SOSTDC1: variants seen among roughly 807,000 people sequenced by gnomAD.
The protein encoded by SOSTDC1 is sclerostin domain-containing protein 1.
SOSTDC1 carries 7 observed loss-of-function variants against 15.1 expected under a neutral mutation model. The ratio of observed to expected loss-of-function variants is 0.46; its 90% CI spans 0.26 to 0.87. SOSTDC1 has a LOEUF of 0.87. Ranked by LOEUF, SOSTDC1 falls within the 40% of genes least tolerant of loss-of-function variation. The probability of loss-of-function intolerance (pLI) is 0.15; values close to 1 mark genes in which losing one functional copy is unlikely to be tolerated. For missense variants in SOSTDC1, 242 were observed against 259.2 expected (o/e 0.93, Z 0.46); for synonymous variants, 94 against 93.2 (o/e 1.01, Z -0.05).
intron 1 of SOSTDC1, chr7:16,464,338 T>C: frequency 1.3e-6 from 2 of 1,550,524 alleles, no homozygotes; most frequent in East Asian, 2.4e-5. Context: ...GCCTCAGGAA[T>C]GCACCTGGAA....
Position 16,462,582 on chromosome 7 carries a change from CT to C in SOSTDC1, c.586del (p.Arg196GlufsTer10). ...KPVQHHRERK[R>X]ASKSSKHSMS ...GCTGTGCTTGCTGGATTTGCTGGCT[CT>C]TTTCCGCTCTCTGTGATGCTGGACT... On this transcript the variant is annotated frameshift_variant, in exon 2 of 2. Coordinates refer to ENST00000307068, the MANE Select transcript of SOSTDC1 (RefSeq NM_015464.3). LOFTEE classifies it high-confidence loss of function. 2.5e-6 allele frequency: 4 copies of C among 1,614,196 alleles called. No homozygotes were observed. The highest frequency in any genetic ancestry group is 3.4e-6 in the Non-Finnish European group (4 of 1,180,026).
Position 16,462,433 on chromosome 7 carries a change from G to T in SOSTDC1, c.*115C>A. On this transcript the variant is annotated 3_prime_UTR_variant, in exon 2 of 2. Transcript: ENST00000307068. ...AGACAGCTTGCTGGGTTTGATCAAA[G>T]CAGAAAGCATATACTTTCAAGTGAG... is the stretch of plus-strand genomic sequence containing the variant. The T allele has an allele frequency of 8.8e-7, 1 of 1,139,504 alleles. No homozygotes were observed. Among genetic ancestry groups the T allele is most frequent in the Non-Finnish European group, 1.3e-6 (1 of 783,920 alleles). 70.6% of individuals were successfully genotyped at this position (1,139,504 alleles called of 1,614,324 possible). A position where few individuals can be genotyped will look rare whatever the true frequency, so the allele number is the denominator to read the frequency against.
intron 1 of SOSTDC1, chr7:16,464,523 C>T: frequency 3.1e-6 from 2 of 640,836 alleles, no homozygotes; most frequent in Non-Finnish European, 5.6e-6. Context: ...AAAGTTAAAA[C>T]ATCCTAGCTT....
In SOSTDC1 at chr7:16,462,366, T is replaced by C. The variant is rs1297208246; in HGVS notation, c.*182A>G. 2.2e-5 allele frequency: 14 copies of C among 627,850 alleles called. No homozygotes were observed. In the South Asian group the frequency reaches 2.5e-4, roughly 11 times the overall value. The allele number at this position is 627,850 out of a possible 1,614,324, so 38.9% of individuals were successfully genotyped here. The stretch of plus-strand genomic sequence containing the variant: ...TGGATATACCTACATCTTGAAAAAC[T>C]TGAAAAGGAAAAACTATTCCCAAAG... On this transcript the variant is annotated 3_prime_UTR_variant, in exon 2 of 2. Coordinates refer to ENST00000307068, the MANE Select transcript of SOSTDC1 (RefSeq NM_015464.3).
At chr7:16,463,250 C>T in intron 1 of SOSTDC1, among the ~76,000 whole-genome samples, 1 of 152,256 alleles carries the variant, frequency 6.6e-6, no homozygotes, top group South Asian at 2.1e-4. Context: ...GTTTGAAAAT[C>T]CAATTTCCTT....
chr7:16,464,370 T>A, intron 1 of SOSTDC1: 5 of 1,550,480 alleles, frequency 3.2e-6, no homozygotes, highest in Non-Finnish European at 4.4e-6. Context: ...TAATTTTGTC[T>A]CGTCAAGCTT....
Position 16,463,114 on chromosome 7 carries a change from T to C in SOSTDC1, c.206-151A>G, listed in dbSNP as rs184390710. ...TACTTTATTTTCACAGTGAAAAAAA[T>C]CTGTCTGGATAGTATAGGGACACTT... On this transcript the variant is annotated intron_variant, in intron 1 of 1. Coordinates refer to ENST00000307068, the MANE Select transcript of SOSTDC1 (RefSeq NM_015464.3). The C allele has an allele frequency of 1.7e-4, 129 of 765,460 alleles. No homozygotes were observed. The African/African-American group carries it at 2.1e-3, about 12-fold the overall frequency. The allele number at this position is 765,460 out of a possible 1,614,324, so 47.4% of individuals were successfully genotyped here.
rs1167778470 is a variant in SOSTDC1, at chr7:16,465,589, T to A, written c.80A>T (p.Asp27Val). ...ATGTGAATAAAGGATTTCTGTGGCATCATTTTTAAAAGCCAAACAGCTTTT... is the reference window on the plus strand; with the variant it reads ...ATGTGAATAAAGGATTTCTGTGGCAACATTTTTAAAAGCCAAACAGCTTTT... Reference protein sequence around the residue: ...LMKSCLAFKNDATEILYSHVV... With the variant: ...LMKSCLAFKNVATEILYSHVV... The change falls in exon 1 of 2, where the codon GAT becomes GTT. Residue 27 changes from aspartate to valine, a missense_variant. By Grantham distance (152) the Asp-to-Val change is radical. Coordinates refer to ENST00000307068, the MANE Select transcript of SOSTDC1 (RefSeq NM_015464.3). 6.2e-7 allele frequency: 1 copy of A among 1,614,140 alleles called. No homozygotes were observed. The highest frequency in any genetic ancestry group is 8.5e-7 in the Non-Finnish European group (1 of 1,179,998).
chr7:16,463,310 T>C (rs1781243342), intron 1 of SOSTDC1, among the ~76,000 whole-genome samples: 1 of 152,216 alleles, frequency 6.6e-6, no homozygotes, highest in South Asian at 2.1e-4. Flanking sequence ...TATGTGTAAA[T>C]ATTCATTATT....
chr7:16,464,644 CG>C (rs1781266218), intron 1 of SOSTDC1, among the ~76,000 whole-genome samples: 1 of 131,236 alleles, frequency 7.6e-6, no homozygotes, highest in Non-Finnish European at 1.6e-5. Context: ...AGATTTCCTG[CG>C]CAGTGTTTCT....
At chr7:16,463,177 T>G (rs933492377) in intron 1 of SOSTDC1, among the ~76,000 whole-genome samples, 5 of 152,120 alleles carry the variant, frequency 3.3e-5, no homozygotes, top group African/African-American at 4.8e-5. Flanking sequence ...ATAACTTTTT[T>G]GGGAAAAAAA....
In SOSTDC1 at chr7:16,461,558, T is replaced by C. The variant is rs1477146009; in HGVS notation, c.*990A>G. 1 of 152,258 alleles carries C rather than the reference T, an allele frequency of 6.6e-6. No homozygotes were observed. The highest frequency in any genetic ancestry group is 2.4e-5 in the African/African-American group (1 of 41,456). 9.4% of individuals were successfully genotyped at this position (152,258 alleles called of 1,614,324 possible). The stretch of plus-strand genomic sequence containing the variant: ...GCAACAACAATAACTTTTAGCAGTG[T>C]TTATTTTTGTTAAAAGAAACCAATT... On this transcript the variant is annotated 3_prime_UTR_variant, in exon 2 of 2. Coordinates refer to ENST00000307068, the MANE Select transcript of SOSTDC1 (RefSeq NM_015464.3).
Position 16,462,599 on chromosome 7 carries a change from A to C in SOSTDC1, c.570T>G (p.His190Gln). The C allele has an allele frequency of 6.2e-7, 1 of 1,614,148 alleles. No homozygotes were observed. Among genetic ancestry groups the C allele is most frequent in the Non-Finnish European group, 8.5e-7 (1 of 1,180,010 alleles). Reference sequence around the variant, plus strand: ...TGCTGGCTCTTTTCCGCTCTCTGTGATGCTGGACTGGCTTGGCAGGTGACA... The same window carrying C: ...TGCTGGCTCTTTTCCGCTCTCTGTGCTGCTGGACTGGCTTGGCAGGTGACA... The part of the protein sequence containing the change: ...ESMSPAKPVQ[H>Q]HRERKRASKS... The change falls in exon 2 of 2, where the codon CAT (histidine) becomes CAG (glutamine). Residue 190 changes from histidine to glutamine, a missense_variant. Coordinates refer to ENST00000307068, the MANE Select transcript of SOSTDC1 (RefSeq NM_015464.3).
rs916929376 is a variant in SOSTDC1 at position 16,461,846 on chromosome 7, G to T, written c.*702C>A. On this transcript the variant is annotated 3_prime_UTR_variant, in exon 2 of 2. Coordinates refer to ENST00000307068, the MANE Select transcript of SOSTDC1 (RefSeq NM_015464.3). The stretch of plus-strand genomic sequence containing the variant: ...CAAAACATTAAAAAATTAAAGTTTT[G>T]AAACAAATCACATGTGAAAGCTCAT... 1.3e-5 allele frequency: 2 copies of T among 152,530 alleles called. No homozygotes were observed. The highest frequency in any genetic ancestry group is 4.8e-5 in the African/African-American group (2 of 41,410). The allele number at this position is 152,530 out of a possible 1,614,324, so 9.4% of individuals were successfully genotyped here.
Position 16,461,757 on chromosome 7 carries a change from GT to G in SOSTDC1, c.*790del, listed in dbSNP as rs965286669. On this transcript the variant is annotated 3_prime_UTR_variant, in exon 2 of 2. Coordinates refer to ENST00000307068, the MANE Select transcript of SOSTDC1 (RefSeq NM_015464.3). The stretch of plus-strand genomic sequence containing the variant: ...TATTCATTTTACATATCTACAACAT[GT>G]ATTTCATATTTCTAATCAACCACAA... 6.6e-6 allele frequency: 1 copy of G among 152,520 alleles called. No homozygotes were observed. The highest frequency in any genetic ancestry group is 1.5e-5 in the Non-Finnish European group (1 of 68,020). 9.4% of individuals were successfully genotyped at this position (152,520 alleles called of 1,614,324 possible).
At chr7:16,465,388 A>G (rs1781286555) in intron 1 of SOSTDC1, 76 bp downstream of exon 1, 3 of 1,291,764 alleles carry the variant, frequency 2.3e-6, no homozygotes, top group Non-Finnish European at 3.3e-6. Context: ...AGTTACCAAT[A>G]AAACAATTCT....
intron 1 of SOSTDC1, 131 bp downstream of exon 1, chr7:16,465,333 C>CAG (rs1463151655): frequency 2.7e-6 from 2 of 750,362 alleles, no homozygotes; most frequent in African/African-American, 3.5e-5. Context: ...GCACATGCAG[C>CAG]AGATTACTCC....
chr7:16,462,310 A>G lies in SOSTDC1; in HGVS notation c.*238T>C, dbSNP rs1222367008. On this transcript the variant is annotated 3_prime_UTR_variant, in exon 2 of 2. Transcript: ENST00000307068. ...AACAATGAGGAATTAAAACTACAGG[A>G]TACGTGGAATTTAAATGCAAATTGC... The G allele has an allele frequency of 6.0e-6, 3 of 498,030 alleles. No individual in the cohort carries two copies. Among genetic ancestry groups the G allele is most frequent in the East Asian group, 6.7e-5 (2 of 29,802 alleles). The allele number at this position is 498,030 out of a possible 1,614,324, so 30.9% of individuals were successfully genotyped here.
At chr7:16,465,124 A>C (rs1781281748) in intron 1 of SOSTDC1, among the ~76,000 whole-genome samples, 1 of 152,204 alleles carries the variant, frequency 6.6e-6, no homozygotes, top group Non-Finnish European at 1.5e-5. Context: ...AAATTGACAA[A>C]ACAACCGGAA....
Sources: allele counts gnomAD v4.1 joint callset (sites outside exome capture counted in the v4.1 genomes callset), GRCh38; gene constraint gnomAD v4.1.1; transcripts MANE v1.5; gene names NCBI Gene and HGNC (gene_info 2026-07-23, HGNC 2026-07-21).